The following PPM1H variants were observed in gnomAD, a reference collection of about 807,000 sequenced individuals.
PPM1H encodes protein phosphatase 1H.
In PPM1H, 27 loss-of-function variants were observed where a neutral mutation model predicts 54.9. The ratio of observed to expected loss-of-function variants is 0.49; its 90% confidence interval spans 0.36 to 0.68. The LOEUF is 0.68. Ranked by LOEUF, PPM1H falls within the 30% of genes least tolerant of loss-of-function variation. The pLI is 0.00. For synonymous variants in PPM1H, 305 were observed against 270.8 expected (o/e 1.13, Z -1.24); for missense variants, 596 against 667.8 (o/e 0.89, Z 1.19).
intron 9 of PPM1H, among the ~76,000 whole-genome samples, chr12:62,665,057 C>CT (rs201635395): frequency 2.1e-5 from 3 of 145,810 alleles, no homozygotes; most frequent in East Asian, 2.0e-4. Context: ...GTTTCTTTCT[C>CT]TTTTTTTTGG....
intron 1 of PPM1H, among the ~76,000 whole-genome samples, chr12:62,878,665 C>A (rs1870272839): frequency 7.2e-6 from 1 of 139,272 alleles, no homozygotes; most frequent in African/African-American, 2.7e-5. Flanking sequence ...AGAGGCCAGG[C>A]ATGGTGGCTC....
chr12:62,921,920 T>A (rs1447229167), intron 1 of PPM1H, among the ~76,000 whole-genome samples: 1 of 152,268 alleles, frequency 6.6e-6, no homozygotes, highest in Non-Finnish European at 1.5e-5. Context: ...AATTCCTAAG[T>A]ACATTTCCTT....
At chr12:62,889,118 A>G (rs1361796413) in intron 1 of PPM1H, among the ~76,000 whole-genome samples, 2 of 152,278 alleles carry the variant, frequency 1.3e-5, no homozygotes, top group South Asian at 2.1e-4. Flanking sequence ...ACCCACTTCC[A>G]TTCCACAGTC....
intron 1 of PPM1H, among the ~76,000 whole-genome samples, chr12:62,846,849 C>T (rs769981364): frequency 5.9e-5 from 9 of 152,154 alleles, no homozygotes; most frequent in Non-Finnish European, 1.0e-4. Context: ...ATGGAAATCA[C>T]CAGAAACTTG....
Position 62,685,732 on chromosome 12 carries a change from T to C in PPM1H, c.1245+3967A>G, listed in dbSNP as rs938033613. Reference sequence around the variant, plus strand: ...TGCATGGCAGCATGACCACAGTTAATAATAATGTGTATTTTTAAATTGTTA... The same window carrying C: ...TGCATGGCAGCATGACCACAGTTAACAATAATGTGTATTTTTAAATTGTTA... On this transcript the variant is annotated intron_variant, in intron 8 of 9. Transcript: ENST00000228705. Among the ~76,000 whole-genome samples, 5 of 152,212 alleles carry C rather than the reference T, an allele frequency of 3.3e-5. No individual in the cohort carries two copies. In the South Asian group the frequency reaches 1.0e-3, roughly 31 times the overall value.
chr12:62,855,400 C>A (rs1445690058), intron 1 of PPM1H, among the ~76,000 whole-genome samples: 2 of 152,164 alleles, frequency 1.3e-5, no homozygotes, highest in Non-Finnish European at 2.9e-5. Context: ...ATACTTCAGA[C>A]ACACGCAGAA....
intron 4 of PPM1H, 128 bp from the exon 5 acceptor site, chr12:62,737,714 G>C: frequency 1.7e-6 from 1 of 597,916 alleles, no homozygotes; most frequent in South Asian, 2.2e-5. Context: ...TTGCATGGCA[G>C]AGTTCACTGT....
At chr12:62,650,070 C>A (rs2075807211) in intron 9 of PPM1H, among the ~76,000 whole-genome samples, 1 of 152,128 alleles carries the variant, frequency 6.6e-6, no homozygotes, top group African/African-American at 2.4e-5. Context: ...AATTCAGAAC[C>A]CCAGAAGCCT....
chr12:62,714,102 C>T (rs1000940067), intron 6 of PPM1H, among the ~76,000 whole-genome samples: 1 of 152,178 alleles, frequency 6.6e-6, no homozygotes, highest in Middle Eastern at 3.2e-3. Flanking sequence ...AGCACCATGC[C>T]GTAGAACTTT....
intron 2 of PPM1H, 24 bp from the exon 3 acceptor site, chr12:62,802,184 G>C: frequency 6.6e-7 from 1 of 1,522,426 alleles, no homozygotes; most frequent in Non-Finnish European, 8.9e-7. Context: ...CGACAGGGAG[G>C]AGTGAGAACG....
Position 62,648,299 on chromosome 12 carries a change from A to G in PPM1H, c.*190T>C. On this transcript the variant is annotated 3_prime_UTR_variant, in exon 10 of 10. Coordinates refer to ENST00000228705, the MANE Select transcript of PPM1H (RefSeq NM_020700.2). ...TTTGTGTTTTGCTCTTGTTGAGTTGACCTGTTACTAAAGAAGAAATGGAAA... is the reference window on the plus strand; with the variant it reads ...TTTGTGTTTTGCTCTTGTTGAGTTGGCCTGTTACTAAAGAAGAAATGGAAA... 4.7e-6 allele frequency: 3 copies of G among 638,964 alleles called. No homozygotes were observed. Among genetic ancestry groups the G allele is most frequent in the South Asian group, 4.4e-5 (2 of 45,200 alleles). 39.6% of individuals were successfully genotyped at this position (638,964 alleles called of 1,614,324 possible). A position where few individuals can be genotyped will look rare whatever the true frequency, so the allele number is the denominator to read the frequency against.
At chr12:62,665,944 G>T (rs1296044516) in intron 9 of PPM1H, among the ~76,000 whole-genome samples, 1 of 152,116 alleles carries the variant, frequency 6.6e-6, no homozygotes, top group Admixed American at 6.5e-5. Context: ...TCCCAGGCTT[G>T]TCTTAAACTC....
intron 1 of PPM1H, among the ~76,000 whole-genome samples, chr12:62,874,981 A>G (rs368451484): frequency 8.5e-5 from 13 of 152,344 alleles, no homozygotes; most frequent in East Asian, 3.9e-4. Context: ...AATTGCAACT[A>G]TTCTGATGCC....
In PPM1H at chr12:62,832,103, A is replaced by C. The variant is rs779166324; in HGVS notation, c.411+11T>G. The C allele has an allele frequency of 6.8e-6, 11 of 1,612,982 alleles. No individual in the cohort carries two copies. The East Asian group carries it at 2.0e-4, about 29-fold the overall frequency. On this transcript the variant is annotated intron_variant, in intron 2 of 9. Transcript: ENST00000228705. The stretch of plus-strand genomic sequence containing the variant: ...TCTCACCTGAGAACCAAGGATCGAG[A>C]AGGGTCTTACCGAGTTCTCCTTCAG...
intron 4 of PPM1H, chr12:62,756,051 TA>T (rs758321216): frequency 1.0e-4 from 135 of 1,306,016 alleles, no homozygotes; most frequent in Non-Finnish European, 1.4e-4. Flanking sequence ...CATCCTGGGC[TA>T]CACTGAGCAC....
chr12:62,875,024 C>T (rs768137161), intron 1 of PPM1H, among the ~76,000 whole-genome samples: 7 of 152,204 alleles, frequency 4.6e-5, no homozygotes, highest in Non-Finnish European at 5.9e-5. Flanking sequence ...GTTCTCTTGG[C>T]CAAAGCTGAG....
At chr12:62,721,020 G>C (rs2076260675) in intron 5 of PPM1H, 1 of 152,288 alleles carries the variant, frequency 6.6e-6, no homozygotes, top group Non-Finnish European at 1.5e-5. Context: ...CTGCAAGCAG[G>C]CCTGCACTAG....
At chr12:62,788,528 A>G (rs1381521259) in intron 3 of PPM1H, 190 bp from the exon 4 acceptor site, 2 of 484,552 alleles carry the variant, frequency 4.1e-6, no homozygotes, top group Admixed American at 6.8e-5. Context: ...ACTGCCACAT[A>G]TTAGACCATC....
chr12:62,827,930 A>G (rs754197389), intron 2 of PPM1H, among the ~76,000 whole-genome samples: 6 of 152,024 alleles, frequency 3.9e-5, no homozygotes, highest in South Asian at 4.2e-4. Flanking sequence ...GATCTCCCCA[A>G]TCGACTCAGC....
Sources: allele counts gnomAD v4.1 joint callset (sites outside exome capture counted in the v4.1 genomes callset), GRCh38; gene constraint gnomAD v4.1.1; transcripts MANE v1.5; gene names NCBI Gene and HGNC (gene_info 2026-07-23, HGNC 2026-07-21).